The following PRKAR1A variants were observed in gnomAD, a reference collection of about 807,000 sequenced individuals.
PRKAR1A encodes the protein protein kinase cAMP-dependent type I regulatory subunit alpha.
PRKAR1A carries 3 observed loss-of-function variants against 52.0 expected under a neutral mutation model. The observed-to-expected ratio is 0.06, with a 90% CI of 0.03 to 0.15. The LOEUF (loss-of-function observed/expected upper bound fraction) is 0.15, where lower values mean the gene tolerates loss of function less well. Ranked by LOEUF, PRKAR1A falls within the 10% of genes least tolerant of loss-of-function variation. The pLI, the probability that PRKAR1A is intolerant of heterozygous loss-of-function variation, is 1.00. For missense variants in PRKAR1A, 240 were observed against 477.4 expected (o/e 0.50, Z 4.63); for synonymous variants, 188 against 168.4 (o/e 1.12, Z -0.90).
At chr17:68,519,904 CAT>C (rs891986684) in intron 2 of PRKAR1A, among the ~76,000 whole-genome samples, 2 of 152,194 alleles carry the variant, frequency 1.3e-5, no homozygotes, top group African/African-American at 4.8e-5. Context: ...ATTTTATAGA[CAT>C]AGCAGTAAAA....
the PRKAR1A span, among the ~76,000 whole-genome samples, chr17:68,481,211 C>T: frequency 6.6e-6 from 1 of 152,222 alleles, no homozygotes; most frequent in East Asian, 1.9e-4. Context: ...CAGTCCCCAA[C>T]CTTTTTGGCA....
the PRKAR1A span, among the ~76,000 whole-genome samples, chr17:68,481,207 C>T: frequency 1.2e-4 from 18 of 152,312 alleles, no homozygotes; most frequent in African/African-American, 4.3e-4. Flanking sequence ...ACCGCAGTCC[C>T]CAACCTTTTT....
chr17:68,520,320 CAT>C (rs1348732804), intron 2 of PRKAR1A, among the ~76,000 whole-genome samples: 1 of 152,164 alleles, frequency 6.6e-6, no homozygotes, highest in Non-Finnish European at 1.5e-5. Context: ...ATCGGGAAAA[CAT>C]AGTAGTGGGG....
Position 68,540,005 on chromosome 17 carries a change from C to T in PRKAR1A, c.973+10004C>T. ...GAGGACTTAGCTGGAACCAGCAGGCCAGGGGGACAGGTGCTCCTGACCTGA... is the reference window on the plus strand; with the variant it reads ...GAGGACTTAGCTGGAACCAGCAGGCTAGGGGGACAGGTGCTCCTGACCTGA... On this transcript the variant is annotated intron_variant, in intron 11 of 11. Transcript: ENST00000585981. 2.5e-6 allele frequency: 4 copies of T among 1,574,688 alleles called. No homozygotes were observed. The South Asian group carries it at 3.3e-5, about 13-fold the overall frequency.
At chr17:68,436,202 G>C in the PRKAR1A span, among the ~76,000 whole-genome samples, 1 of 152,202 alleles carries the variant, frequency 6.6e-6, no homozygotes, top group Non-Finnish European at 1.5e-5. Context: ...CTGGCTTATG[G>C]TGAGGTTGAC....
At chr17:68,520,395 A>T (rs1469655019) in intron 2 of PRKAR1A, among the ~76,000 whole-genome samples, 1 of 152,232 alleles carries the variant, frequency 6.6e-6, no homozygotes, top group Non-Finnish European at 1.5e-5. Flanking sequence ...CGAATGCAGA[A>T]TTTGAACCTC....
the PRKAR1A span, chr17:68,433,541 C>A: frequency 6.2e-7 from 1 of 1,613,966 alleles, no homozygotes; most frequent in Non-Finnish European, 8.5e-7. Context: ...AATTGTGAAT[C>A]CATACTGAAC....
At chr17:68,550,200 G>A (rs2086768788) in intron 11 of PRKAR1A, among the ~76,000 whole-genome samples, 1 of 151,810 alleles carries the variant, frequency 6.6e-6, no homozygotes, top group Admixed American at 6.6e-5. Flanking sequence ...ATCTACAGTG[G>A]GAGAACAAAA....
At chr17:68,457,510 G>T in the PRKAR1A span, 8 of 1,127,776 alleles carry the variant, frequency 7.1e-6, no homozygotes, top group Non-Finnish European at 9.2e-6. Context: ...CCGGGTCGCC[G>T]GTCCTGCCCC....
chr17:68,439,191 T>C, the PRKAR1A span, among the ~76,000 whole-genome samples: 1 of 152,220 alleles, frequency 6.6e-6, no homozygotes, highest in African/African-American at 2.4e-5. Flanking sequence ...TGAATGTTCA[T>C]GGCAGCATTA....
At chr17:68,499,513 C>CT in the PRKAR1A span, among the ~76,000 whole-genome samples, 1 of 152,184 alleles carries the variant, frequency 6.6e-6, no homozygotes, top group East Asian at 1.9e-4. Flanking sequence ...GCAGGCAGGG[C>CT]TGGGACAGCA....
intron 11 of PRKAR1A, chr17:68,541,752 TC>T (rs1385458099): frequency 8.4e-6 from 4 of 475,360 alleles, no homozygotes; most frequent in African/African-American, 7.7e-5. Flanking sequence ...GTCTTCCATT[TC>T]TGTATCCCAT....
intron 2 of PRKAR1A, among the ~76,000 whole-genome samples, chr17:68,519,763 TTTA>T (rs1474029677): frequency 6.6e-6 from 1 of 152,244 alleles, no homozygotes; most frequent in Non-Finnish European, 1.5e-5. Flanking sequence ...TACTCTTGTA[TTTA>T]TTAGACCCTT....
At chr17:68,447,694 A>G in the PRKAR1A span, among the ~76,000 whole-genome samples, 2 of 152,124 alleles carry the variant, frequency 1.3e-5, no homozygotes, top group Admixed American at 6.6e-5. Flanking sequence ...CTATATACTT[A>G]GAAAAAAGGG....
chr17:68,456,907 A>ACTCT, the PRKAR1A span, among the ~76,000 whole-genome samples: 9 of 151,490 alleles, frequency 5.9e-5, no homozygotes, highest in Non-Finnish European at 5.9e-5. Context: ...TTTTTCCTGT[A>ACTCT]CTCTCATCTT....
the PRKAR1A span, among the ~76,000 whole-genome samples, chr17:68,431,500 G>A: frequency 6.6e-6 from 1 of 152,138 alleles, no homozygotes; most frequent in Non-Finnish European, 1.5e-5. Context: ...GGGAGGAGCT[G>A]GGACTTCATT....
At chr17:68,524,179 T>A in intron 5 of PRKAR1A, 102 bp downstream of exon 5, 1 of 1,186,108 alleles carries the variant, frequency 8.4e-7, no homozygotes, top group South Asian at 1.3e-5. Context: ...TCTTTGATCC[T>A]ACCACTTTTT....
the PRKAR1A span, chr17:68,457,569 C>CGCCCCTACCCCGCCCCT: frequency 2.2e-5 from 3 of 135,154 alleles, no homozygotes; most frequent in South Asian, 3.2e-4. Flanking sequence ...GCCCCGTCCC[C>CGCCCCTACCCCGCCCCT]ACCCCGCCCC....
the PRKAR1A span, among the ~76,000 whole-genome samples, chr17:68,431,304 C>G: frequency 6.6e-6 from 1 of 152,146 alleles, no homozygotes; most frequent in Non-Finnish European, 1.5e-5. Context: ...ATTTGGGAAA[C>G]AGGAATCATC....
Sources: gnomAD v4.1 joint callset for allele counts (sites outside exome capture counted in the v4.1 genomes callset) on GRCh38, gnomAD v4.1.1 for gene constraint, MANE v1.5 for transcripts, NCBI Gene and HGNC (gene_info 2026-07-23, HGNC 2026-07-21) for gene names.